CPEB3: variants seen among roughly 807,000 people sequenced by gnomAD.
CPEB3 encodes cytoplasmic polyadenylation element binding protein 3.
CPEB3 carries 20 observed loss-of-function variants against 67.2 expected under a neutral mutation model. The ratio of observed to expected loss-of-function variants is 0.30; its 90% CI spans 0.21 to 0.43. The LOEUF (loss-of-function observed/expected upper bound fraction) is 0.43, where lower values mean the gene tolerates loss of function less well. CPEB3 is among the 20% of genes least tolerant of loss of function. The pLI, the probability that CPEB3 is intolerant of heterozygous loss-of-function variation, is 1.00. For synonymous variants in CPEB3, 376 were observed against 393.1 expected, an observed-to-expected ratio of 0.96 and a Z score of 0.51; for missense variants, 746 against 968.6, an observed-to-expected ratio of 0.77 and a Z score of 3.05.
intron 6 of CPEB3, among the ~76,000 whole-genome samples, chr10:92,126,002 G>A (rs893367687): frequency 6.6e-6 from 1 of 152,092 alleles, no homozygotes; most frequent in African/African-American, 2.4e-5. Flanking sequence ...TAGATTACAG[G>A]CATGAACCAC....
chr10:92,250,858 A>ATTTTT (rs1211646953), intron 1 of CPEB3, among the ~76,000 whole-genome samples: 29 of 104,116 alleles, frequency 2.8e-4, no homozygotes, highest in East Asian at 1.1e-3. Flanking sequence ...CACACAGTTA[A>ATTTTT]TTTTTTTTTT....
At chr10:92,198,489 C>T (rs1252772183) in intron 2 of CPEB3, among the ~76,000 whole-genome samples, 1 of 152,194 alleles carries the variant, frequency 6.6e-6, no homozygotes, top group African/African-American at 2.4e-5. Flanking sequence ...AACCCATTCA[C>T]CTGCCCTTTT....
At chr10:92,132,733 C>G (rs1484182144) in intron 6 of CPEB3, among the ~76,000 whole-genome samples, 1 of 152,144 alleles carries the variant, frequency 6.6e-6, no homozygotes, top group African/African-American at 2.4e-5. Flanking sequence ...AGCGCCACAT[C>G]ACACTCATTC....
At chr10:92,257,846 C>T (rs1852589564) in intron 1 of CPEB3, among the ~76,000 whole-genome samples, 2 of 150,960 alleles carry the variant, frequency 1.3e-5, no homozygotes, top group Admixed American at 6.6e-5. Context: ...TCTCCTGCCT[C>T]AGCCCCCTGA....
chr10:92,230,518 A>G (rs1167625714), intron 2 of CPEB3, among the ~76,000 whole-genome samples: 1 of 152,180 alleles, frequency 6.6e-6, no homozygotes, highest in Non-Finnish European at 1.5e-5. Context: ...TTCTTAGGAG[A>G]GAAAAGTAGG....
intron 1 of CPEB3, among the ~76,000 whole-genome samples, chr10:92,249,886 G>A (rs1040879387): frequency 2.0e-5 from 3 of 150,016 alleles, no homozygotes; most frequent in African/African-American, 7.3e-5. Flanking sequence ...GCTGGGCGTG[G>A]TGGCAGGCAC....
intron 1 of CPEB3, among the ~76,000 whole-genome samples, chr10:92,285,450 TAGTAG>T (rs1842485902): frequency 6.6e-6 from 1 of 152,158 alleles, no homozygotes; most frequent in Non-Finnish European, 1.5e-5. Context: ...TTTGTATTTT[TAGTAG>T]AGATGGAGTT....
At chr10:92,090,265 G>A (rs1843558429) in intron 8 of CPEB3, among the ~76,000 whole-genome samples, 1 of 152,336 alleles carries the variant, frequency 6.6e-6, no homozygotes, top group African/African-American at 2.4e-5. Context: ...TTGTGGCTGG[G>A]CGTGGTGGCT....
intron 4 of CPEB3, among the ~76,000 whole-genome samples, chr10:92,163,294 C>T (rs1013309667): frequency 2.0e-5 from 3 of 152,048 alleles, no homozygotes; most frequent in South Asian, 2.1e-4. Flanking sequence ...ATTAGCCGGG[C>T]ATGGTGGCAC....
intron 1 of CPEB3, among the ~76,000 whole-genome samples, chr10:92,288,978 G>T (rs1842665896): frequency 6.6e-6 from 1 of 152,182 alleles, no homozygotes; most frequent in African/African-American, 2.4e-5. Context: ...GTGCACGGTG[G>T]CTCACATCTA....
At chr10:92,096,691 C>T (rs1389877245) in intron 7 of CPEB3, among the ~76,000 whole-genome samples, 1 of 152,036 alleles carries the variant, frequency 6.6e-6, no homozygotes, top group Admixed American at 6.6e-5. Flanking sequence ...TTTCTGTAAT[C>T]CCAGCACTTT....
chr10:92,239,395 T>G lies in CPEB3; in HGVS notation c.956A>C (p.Glu319Ala). The change falls in exon 2 of 10, where the codon GAG becomes GCG. Residue 319 changes from glutamate to alanine, a missense_variant. Transcript: ENST00000265997. This position sits in a 1 kb window ranked among gnomAD's most constrained non-coding sequence, Gnocchi z 6.0. The stretch of plus-strand genomic sequence containing the variant: ...ATTATCGGTCCGGAAAGCGTTATCC[T>G]CCATCCAGGACTTGGAAGTGAGAGG... ...AAPLTSKSWM[E>A]DNAFRTDNGN... The G allele has an allele frequency of 2.5e-6, 4 of 1,605,742 alleles. No homozygotes were observed. Among genetic ancestry groups the G allele is most frequent in the Non-Finnish European group, 3.4e-6 (4 of 1,176,084 alleles).
chr10:92,253,891 C>T (rs914936279), intron 1 of CPEB3, among the ~76,000 whole-genome samples: 2 of 152,108 alleles, frequency 1.3e-5, no homozygotes, highest in Non-Finnish European at 2.9e-5. Context: ...ATGTGCCAGG[C>T]TGTACTAGAG....
chr10:92,128,051 A>T lies in CPEB3; in HGVS notation c.1453+14978T>A, dbSNP rs940914501. ...AGATGTCCAAATTAGCTAAAACTTC[A>T]TACAGAAAATTGCTTTGGGAAGCCA... is the stretch of plus-strand genomic sequence containing the variant. On this transcript the variant is annotated intron_variant, in intron 6 of 9. Coordinates refer to ENST00000265997, the MANE Select transcript of CPEB3 (RefSeq NM_014912.5). Among the ~76,000 whole-genome samples, 6 of 152,238 alleles carry T rather than the reference A, an allele frequency of 3.9e-5. No individual in the cohort carries two copies. The East Asian group carries it at 1.2e-3, about 29-fold the overall frequency.
At chr10:92,069,766 G>T (rs957826083) in intron 9 of CPEB3, among the ~76,000 whole-genome samples, 1 of 152,136 alleles carries the variant, frequency 6.6e-6, no homozygotes, top group Non-Finnish European at 1.5e-5. Context: ...AGTCGCTCTG[G>T]TTCCCAACAT....
intron 1 of CPEB3, among the ~76,000 whole-genome samples, chr10:92,258,643 T>C (rs1454462655): frequency 9.6e-5 from 3 of 31,210 alleles, no homozygotes; most frequent in African/African-American, 2.0e-4. Flanking sequence ...TATATATATA[T>C]ATATATATAT....
chr10:92,099,737 G>A (rs1346813126), intron 7 of CPEB3, among the ~76,000 whole-genome samples: 1 of 151,706 alleles, frequency 6.6e-6, no homozygotes, highest in Non-Finnish European at 1.5e-5. Flanking sequence ...GGTGGCAGGT[G>A]CCTAAAATCC....
chr10:92,239,507 C>A lies in CPEB3; in HGVS notation c.844G>T (p.Val282Leu). 5.7e-6 allele frequency: 9 copies of A among 1,576,912 alleles called. No homozygotes were observed. The highest frequency in any genetic ancestry group is 7.8e-6 in the Non-Finnish European group (9 of 1,160,694). Residue 282 changes from valine (V) to leucine (L), a missense_variant, in exon 2 of 10, where the codon GTG becomes TTG. By Grantham distance (32) the Val-to-Leu change is conservative (BLOSUM62 1). Coordinates refer to ENST00000265997, the MANE Select transcript of CPEB3 (RefSeq NM_014912.5). This position sits in a 1 kb window ranked among gnomAD's most constrained non-coding sequence, Gnocchi z 6.0. ...VGVGVGVGVG[V>L]PSPLNPISPL... ...GAGATGGGGTTGAGCGGGGAAGGCACCCCGACACCCACACCCACGCCCACA... is the reference window on the plus strand; with the variant it reads ...GAGATGGGGTTGAGCGGGGAAGGCAACCCGACACCCACACCCACGCCCACA...
chr10:92,227,250 A>G (rs1439284685), intron 2 of CPEB3, among the ~76,000 whole-genome samples: 1 of 152,202 alleles, frequency 6.6e-6, no homozygotes, highest in East Asian at 1.9e-4. Flanking sequence ...ATAGGATAAT[A>G]ATCCCTAATT....
Sources: allele counts gnomAD v4.1 joint callset (sites outside exome capture counted in the v4.1 genomes callset), GRCh38; gene constraint gnomAD v4.1.1; non-coding constraint Gnocchi (gnomAD v3.1); transcripts MANE v1.5; gene names NCBI Gene and HGNC (gene_info 2026-07-23, HGNC 2026-07-21).